The following USP43 variants were observed in gnomAD, a reference collection of about 807,000 sequenced individuals.
USP43 encodes the protein ubiquitin carboxyl-terminal hydrolase 43.
Under a neutral mutation model 90.7 loss-of-function variants are expected in USP43, and 33 were observed. The observed-to-expected ratio is 0.36, with a 90% confidence interval of 0.28 to 0.49. The LOEUF is 0.49. Ranked by LOEUF, USP43 falls within the 20% of genes least tolerant of loss-of-function variation. The pLI is 0.98. For missense variants in USP43, 1,274 were observed against 1,476.4 expected, an observed-to-expected ratio of 0.86 and a Z score of 2.25; for synonymous variants, 598 against 615.8, an observed-to-expected ratio of 0.97 and a Z score of 0.43.
intron 1 of USP43, among the ~76,000 whole-genome samples, chr17:9,649,674 T>C (rs1420405687): frequency 3.1e-5 from 4 of 127,628 alleles, no homozygotes; most frequent in African/African-American, 1.1e-4. Flanking sequence ...ATGTTGCACA[T>C]TGTAAAAAAA....
rs1001266297 is a variant in USP43 at position 9,729,132 on chromosome 17, G to T, written c.*142G>T. The T allele has an allele frequency of 9.8e-6, 7 of 715,968 alleles. No homozygotes were observed. The highest frequency in any genetic ancestry group is 1.4e-5 in the Non-Finnish European group (7 of 491,074). The allele number at this position is 715,968 out of a possible 1,614,324, so 44.4% of individuals were successfully genotyped here. A position where few individuals can be genotyped will look rare whatever the true frequency, so the allele number is the denominator to read the frequency against. On this transcript the variant is annotated 3_prime_UTR_variant, in exon 15 of 15. Transcript: ENST00000285199. ...AAAATTTTTTTTTTTTTGTGGTGGG[G>T]GGTCTCCATATCTAGACTTCCAACA...
chr17:9,650,599 C>T (rs569338078), intron 1 of USP43, among the ~76,000 whole-genome samples: 11 of 152,212 alleles, frequency 7.2e-5, no homozygotes, highest in African/African-American at 2.2e-4. Flanking sequence ...CACGGGGTTT[C>T]GCCATGTTGG....
At position 9,709,275 on chromosome 17, in the gene USP43, A is replaced by C. The variant is rs1916052151; in HGVS notation, c.2012-681A>C. On this transcript the variant is annotated intron_variant, in intron 12 of 14. Transcript: ENST00000285199. This position sits in a 1 kb window ranked among gnomAD's most constrained non-coding sequence, Gnocchi z 5.0. ...AATTGTGATTCTCATCTTCACTTTTATTGCATGCTTAATCAGAGATATGCA... is the reference window on the plus strand; with the variant it reads ...AATTGTGATTCTCATCTTCACTTTTCTTGCATGCTTAATCAGAGATATGCA... Among the ~76,000 whole-genome samples, 1 of 152,332 alleles carries C rather than the reference A, an allele frequency of 6.6e-6. No homozygotes were observed. Among genetic ancestry groups the C allele is most frequent in the African/African-American group, 2.4e-5 (1 of 41,586 alleles).
At chr17:9,725,250 C>T (rs551393416) in intron 14 of USP43, among the ~76,000 whole-genome samples, 35 of 144,986 alleles carry the variant, frequency 2.4e-4, no homozygotes, top group Non-Finnish European at 4.4e-4. Flanking sequence ...AAGAACCTAA[C>T]GGCCTGTGTC....
chr17:9,685,949 C>T (rs375451126), intron 7 of USP43, among the ~76,000 whole-genome samples: 6 of 152,264 alleles, frequency 3.9e-5, no homozygotes, highest in African/African-American at 1.4e-4. Context: ...ATTACCTAAC[C>T]TTTTCCTAGC....
chr17:9,720,093 A>T (rs528631146), intron 14 of USP43, among the ~76,000 whole-genome samples: 2 of 152,060 alleles, frequency 1.3e-5, no homozygotes, highest in South Asian at 4.2e-4. Flanking sequence ...TAGGAAGCCG[A>T]GGCAGGCAGA....
intron 14 of USP43, among the ~76,000 whole-genome samples, chr17:9,715,785 CTCTG>C (rs1916508525): frequency 7.7e-6 from 1 of 129,976 alleles, no homozygotes; most frequent in African/African-American, 3.1e-5. Context: ...ATGTGTGTGT[CTCTG>C]TGTGTGTGTG....
intron 9 of USP43, among the ~76,000 whole-genome samples, chr17:9,698,604 G>T (rs1415639998): frequency 1.3e-5 from 2 of 152,162 alleles, no homozygotes; most frequent in Non-Finnish European, 2.9e-5. Context: ...CAGAGCTGTG[G>T]TCTGGGCAGA....
At chr17:9,693,279 T>G in intron 9 of USP43, 49 bp downstream of exon 9, 1 of 1,461,280 alleles carries the variant, frequency 6.8e-7, no homozygotes, top group Non-Finnish European at 9.5e-7. Context: ...CTTTCTTATT[T>G]TACCAGAGTC....
intron 3 of USP43, among the ~76,000 whole-genome samples, chr17:9,669,431 T>G (rs1271062471): frequency 6.6e-6 from 1 of 152,194 alleles, no homozygotes; most frequent in Non-Finnish European, 1.5e-5. Flanking sequence ...GCTAATGTGC[T>G]TGGTCCAATA....
rs1217405111 is a variant in USP43 at position 9,686,322 on chromosome 17, TA to T, written c.1242-473del. On this transcript the variant is annotated intron_variant, in intron 7 of 14. Transcript: ENST00000285199. The surrounding 1 kb of genome is among the most constrained non-coding windows in gnomAD (Gnocchi z 5.5). Reference sequence around the variant, plus strand: ...TTGACATGATGATCTTTCCTTTGGATAAATACCCAGTAGTGGGATGGCTGGG... The same window carrying T: ...TTGACATGATGATCTTTCCTTTGGATAATACCCAGTAGTGGGATGGCTGGG... 6.6e-6 allele frequency among the ~76,000 whole-genome samples: 1 copy of T among 152,196 alleles called. No homozygotes were observed. The highest frequency in any genetic ancestry group is 1.5e-5 in the Non-Finnish European group (1 of 68,030).
intron 14 of USP43, among the ~76,000 whole-genome samples, chr17:9,715,104 A>G (rs1486502375): frequency 6.6e-6 from 1 of 152,222 alleles, no homozygotes; most frequent in African/African-American, 2.4e-5. Context: ...ACGCATTCAG[A>G]TGATCAGGTC....
In USP43 at chr17:9,715,721, A is replaced by G. The variant is rs12947924; in HGVS notation, c.2335+3589A>G. ...TGTCTGTGTGTGTCTCTGTGTGTGTATGTGTGTGTGTGTGTGTGTGTCTCT... is the reference window on the plus strand; with the variant it reads ...TGTCTGTGTGTGTCTCTGTGTGTGTGTGTGTGTGTGTGTGTGTGTGTCTCT... On this transcript the variant is annotated intron_variant, in intron 14 of 14. Transcript: ENST00000285199. Among the ~76,000 whole-genome samples, 1,011 of 102,842 alleles carry G rather than the reference A, an allele frequency of 9.8e-3. 8 individuals are homozygous for G. The highest frequency in any genetic ancestry group is 0.015 in the Non-Finnish European group (674 of 46,266). 67.5% of individuals were successfully genotyped at this position (102,842 alleles called of 152,430 possible). A position where few individuals can be genotyped will look rare whatever the true frequency, so the allele number is the denominator to read the frequency against.
chr17:9,670,507 C>G (rs981376580), intron 3 of USP43, among the ~76,000 whole-genome samples: 4 of 152,080 alleles, frequency 2.6e-5, no homozygotes, highest in Admixed American at 6.5e-5. Flanking sequence ...GATGGAGAGT[C>G]AGCATCTTTC....
chr17:9,692,053 A>G (rs1355498710), intron 8 of USP43, among the ~76,000 whole-genome samples: 2 of 149,362 alleles, frequency 1.3e-5, no homozygotes, highest in African/African-American at 2.5e-5. Context: ...AAAAAAAAAG[A>G]AAATTAAAAC....
At chr17:9,681,369 A>AAT (rs1349618192) in intron 6 of USP43, among the ~76,000 whole-genome samples, 1 of 117,360 alleles carries the variant, frequency 8.5e-6, no homozygotes, top group African/African-American at 3.2e-5. Flanking sequence ...AAAATAAATA[A>AAT]ATATATATAA....
intron 2 of USP43, among the ~76,000 whole-genome samples, chr17:9,663,594 G>C (rs771974789): frequency 3.3e-5 from 5 of 150,348 alleles, no homozygotes; most frequent in Non-Finnish European, 5.9e-5. Context: ...CACTGCTCCC[G>C]CCCAGACATT....
chr17:9,658,072 C>T (rs1912387213), intron 2 of USP43, among the ~76,000 whole-genome samples: 2 of 152,158 alleles, frequency 1.3e-5, no homozygotes, highest in South Asian at 4.1e-4. Context: ...ATGGCTGATC[C>T]AGTTGCAGCC....
chr17:9,650,854 A>T (rs1048347534), intron 1 of USP43, among the ~76,000 whole-genome samples: 1 of 152,170 alleles, frequency 6.6e-6, no homozygotes, highest in East Asian at 1.9e-4. Flanking sequence ...AAAAATTTTA[A>T]TAGGTTTTTG....
Sources: gnomAD v4.1 joint callset for allele counts (sites outside exome capture counted in the v4.1 genomes callset) on GRCh38, gnomAD v4.1.1 for gene constraint, Gnocchi (gnomAD v3.1) non-coding constraint, MANE v1.5 for transcripts, NCBI Gene and HGNC (gene_info 2026-07-23, HGNC 2026-07-21) for gene names.